Variants in NIBAN1 observed in about 807,000 individuals in gnomAD.
NIBAN1 encodes niban apoptosis regulator 1, also known as protein Niban 1.
A neutral mutation model predicts 75.1 loss-of-function variants in NIBAN1; 81 were observed. The observed-to-expected ratio is 1.08, with a 90% confidence interval of 0.90 to 1.30. The LOEUF (loss-of-function observed/expected upper bound fraction) is 1.30. Ranked by LOEUF, NIBAN1 falls within the 50% of genes most tolerant of loss-of-function variation. The probability of loss-of-function intolerance (pLI) is 0.00; values close to 1 mark genes in which losing one functional copy is unlikely to be tolerated. For missense variants in NIBAN1, 1,133 were observed against 1,128.1 expected (o/e 1.00, Z -0.06); for synonymous variants, 436 against 424.8 (o/e 1.03, Z -0.32).
At chr1:184,816,548 C>T (rs1654541274) in intron 9 of NIBAN1, among the ~76,000 whole-genome samples, 1 of 152,206 alleles carries the variant, frequency 6.6e-6, no homozygotes, top group East Asian at 1.9e-4. Flanking sequence ...AGCTCATGCA[C>T]TAGGCCCCAA....
At chr1:184,804,075 T>G (rs1241088664) in intron 11 of NIBAN1, among the ~76,000 whole-genome samples, 1 of 152,194 alleles carries the variant, frequency 6.6e-6, no homozygotes, top group Admixed American at 6.5e-5. Context: ...GTCAGTGGGT[T>G]GTAATGATTT....
intron 1 of NIBAN1, among the ~76,000 whole-genome samples, chr1:184,955,102 G>C (rs1658450606): frequency 6.6e-6 from 1 of 151,980 alleles, no homozygotes; most frequent in African/African-American, 2.4e-5. Flanking sequence ...ATATGTAATT[G>C]CTATTAAATA....
At chr1:184,896,557 T>G (rs1656806052) in intron 2 of NIBAN1, among the ~76,000 whole-genome samples, 1 of 152,126 alleles carries the variant, frequency 6.6e-6, no homozygotes, top group Admixed American at 6.6e-5. Context: ...CTAAGTCCCA[T>G]TTCTCTATTT....
intron 1 of NIBAN1, among the ~76,000 whole-genome samples, chr1:184,942,318 A>G (rs1658110056): frequency 6.6e-6 from 1 of 152,276 alleles, no homozygotes; most frequent in African/African-American, 2.4e-5. Context: ...TTTCAATTTA[A>G]AAGAGATGCA....
Position 184,957,064 on chromosome 1 carries a change from CCAA to C in NIBAN1, c.55+17235_55+17237del, listed in dbSNP as rs200618490. Among the ~76,000 whole-genome samples, 1,296 of 152,324 alleles carry C rather than the reference CCAA, an allele frequency of 8.5e-3. 20 individuals are homozygous for C. The highest frequency in any genetic ancestry group is 0.028 in the African/African-American group (1,172 of 41,570). On this transcript the variant is annotated intron_variant, in intron 1 of 13. Coordinates refer to ENST00000367511, the MANE Select transcript of NIBAN1 (RefSeq NM_052966.4). The stretch of plus-strand genomic sequence containing the variant: ...GTGCTGGTAAACTGGGTCTCAAAAA[CCAA>C]CAACAACACAAAAAGACTCCCACCA...
chr1:184,832,277 C>T lies in NIBAN1; in HGVS notation c.602-315G>A, dbSNP rs181766867. 1.6e-4 allele frequency among the ~76,000 whole-genome samples: 25 copies of T among 152,266 alleles called. No homozygotes were observed. In the East Asian group the frequency reaches 3.7e-3, roughly 22 times the overall value. On this transcript the variant is annotated intron_variant, in intron 5 of 13. Coordinates refer to ENST00000367511, the MANE Select transcript of NIBAN1 (RefSeq NM_052966.4). ...CACCCACAGGCACCCAGCGCCTTTACGCTACCAGCTGTGACACCTTACTCA... is the reference window on the plus strand; with the variant it reads ...CACCCACAGGCACCCAGCGCCTTTATGCTACCAGCTGTGACACCTTACTCA...
chr1:184,968,789 T>C lies in NIBAN1; in HGVS notation c.55+5513A>G, dbSNP rs576640412. On this transcript the variant is annotated intron_variant, in intron 1 of 13. Coordinates refer to ENST00000367511, the MANE Select transcript of NIBAN1 (RefSeq NM_052966.4). ...CCACAATAACACTGGCTTAAAGAGA[T>C]GGAAGTTTCTTTCTTTCTTTCTTTC... Among the ~76,000 whole-genome samples the C allele has an allele frequency of 3.3e-5, 3 of 90,344 alleles. No individual in the cohort carries two copies. The South Asian group carries it at 1.2e-3, about 36-fold the overall frequency. The allele number at this position is 90,344 out of a possible 152,430, so 59.3% of individuals were successfully genotyped here.
intron 8 of NIBAN1, among the ~76,000 whole-genome samples, chr1:184,819,288 T>TA (rs1297173845): frequency 6.6e-6 from 1 of 152,170 alleles, no homozygotes; most frequent in African/African-American, 2.4e-5. Flanking sequence ...AGAACTCCAG[T>TA]ACATTCTTTT....
rs147446243 is a variant in NIBAN1 at position 184,884,670 on chromosome 1, A to T, written c.564T>A (p.Ser188Arg). 2 of 1,614,182 alleles carry T rather than the reference A, an allele frequency of 1.2e-6. No individual in the cohort carries two copies. The highest frequency in any genetic ancestry group is 4.5e-5 in the East Asian group (2 of 44,866). ...FHEAADQKRF[S>R]ALLSDCVRHL... ...GCCTGACGCAGTCACTCAGGAGGGC[A>T]CTAAACCTCTTCTGGTCAGCAGCCT... Residue 188 changes from serine to arginine, a missense_variant, in exon 5 of 14, where the codon AGT becomes AGA. Coordinates refer to ENST00000367511, the MANE Select transcript of NIBAN1 (RefSeq NM_052966.4).
At chr1:184,809,997 G>C (rs1040432043) in intron 9 of NIBAN1, among the ~76,000 whole-genome samples, 1 of 152,124 alleles carries the variant, frequency 6.6e-6, no homozygotes, top group Admixed American at 6.5e-5. Context: ...AATGGCATAT[G>C]CTAAGTTGTT....
intron 5 of NIBAN1, among the ~76,000 whole-genome samples, chr1:184,855,102 G>A (rs1176971728): frequency 6.6e-6 from 1 of 152,128 alleles, no homozygotes; most frequent in Admixed American, 6.5e-5. Flanking sequence ...TGGAATCATA[G>A]AACTAAAATG....
chr1:184,825,822 C>T (rs1289288213), intron 6 of NIBAN1, among the ~76,000 whole-genome samples: 1 of 152,164 alleles, frequency 6.6e-6, no homozygotes, highest in Non-Finnish European at 1.5e-5. Context: ...AGGGGAAGCA[C>T]AGTTTTAGGA....
Position 184,794,655 on chromosome 1 carries a change from A to C in NIBAN1, c.*322T>G. On this transcript the variant is annotated 3_prime_UTR_variant, in exon 14 of 14. Transcript: ENST00000367511. The stretch of plus-strand genomic sequence containing the variant: ...AATTGAAAAGTGCAGAGTATACTCA[A>C]AACTGTCATCCTACTGTTTTCTCAG... 1 of 439,630 alleles carries C rather than the reference A, an allele frequency of 2.3e-6. No individual in the cohort carries two copies. 27.2% of individuals were successfully genotyped at this position (439,630 alleles called of 1,614,324 possible).
At chr1:184,843,546 T>C (rs571144941) in intron 5 of NIBAN1, among the ~76,000 whole-genome samples, 1 of 152,348 alleles carries the variant, frequency 6.6e-6, no homozygotes, top group South Asian at 2.1e-4. Flanking sequence ...TCCATACACC[T>C]GAAAGAGTTA....
chr1:184,940,789 T>G (rs1658070791), intron 1 of NIBAN1, among the ~76,000 whole-genome samples: 1 of 152,236 alleles, frequency 6.6e-6, no homozygotes, highest in Admixed American at 6.5e-5. Context: ...AGTTAATAGA[T>G]GAAATAGATA....
At chr1:184,845,772 G>T (rs1434722504) in intron 5 of NIBAN1, among the ~76,000 whole-genome samples, 1 of 85,156 alleles carries the variant, frequency 1.2e-5, no homozygotes, top group Non-Finnish European at 2.4e-5. Flanking sequence ...TGTGCGCACC[G>T]TGCGCGAGCC....
At chr1:184,947,931 TCCCTTC>T (rs1658271573) in intron 1 of NIBAN1, among the ~76,000 whole-genome samples, 1 of 152,160 alleles carries the variant, frequency 6.6e-6, no homozygotes, top group Non-Finnish European at 1.5e-5. Flanking sequence ...ACCTTTAAAT[TCCCTTC>T]CAAAAGAGCA....
chr1:184,932,776 A>C (rs1463825237), intron 1 of NIBAN1, among the ~76,000 whole-genome samples: 1 of 152,256 alleles, frequency 6.6e-6, no homozygotes, highest in Non-Finnish European at 1.5e-5. Flanking sequence ...ATATTTAACA[A>C]AGACAAGATT....
At chr1:184,949,823 GTTTC>G (rs1275807588) in intron 1 of NIBAN1, among the ~76,000 whole-genome samples, 2 of 152,142 alleles carry the variant, frequency 1.3e-5, no homozygotes, top group Admixed American at 6.5e-5. Flanking sequence ...TTAGGTCTCA[GTTTC>G]TAATGGGGAA....
Sources: gnomAD v4.1 joint callset for allele counts (sites outside exome capture counted in the v4.1 genomes callset) on GRCh38, gnomAD v4.1.1 for gene constraint, MANE v1.5 for transcripts, NCBI Gene and HGNC (gene_info 2026-07-23, HGNC 2026-07-21) for gene names.